ETV6: variants seen among roughly 807,000 people sequenced by gnomAD.
ETV6 encodes the protein ETS variant transcription factor 6.
Under a neutral mutation model 51.1 loss-of-function variants are expected in ETV6, and 16 were observed. That is an observed-to-expected ratio of 0.31 (90% CI 0.21 to 0.48). ETV6 has a LOEUF of 0.48. Ranked by LOEUF, ETV6 falls within the 20% of genes least tolerant of loss-of-function variation. ETV6 has a pLI of 0.99. For synonymous variants in ETV6, 240 were observed against 224.1 expected, an observed-to-expected ratio of 1.07 and a Z score of -0.64; for missense variants, 458 against 594.8, an observed-to-expected ratio of 0.77 and a Z score of 2.39.
chr12:11,811,161 G>C (rs1945906766), intron 2 of ETV6, among the ~76,000 whole-genome samples: 1 of 152,234 alleles, frequency 6.6e-6, no homozygotes, highest in South Asian at 2.1e-4. Flanking sequence ...TATAACAGGA[G>C]CTCAGCCTCA....
rs145572199 is a variant in ETV6 at position 11,650,349 on chromosome 12, C to CG, written c.33+189_33+190insG. On this transcript the variant is annotated intron_variant, in intron 1 of 7. Coordinates refer to ENST00000396373, the MANE Select transcript of ETV6 (RefSeq NM_001987.5). ...CTTTAGCGTAACCTTGCTACTCCCCCCCACCGCCGAGCCCCTGCCGGCTCC... is the reference window on the plus strand; with the variant it reads ...CTTTAGCGTAACCTTGCTACTCCCCCGCCACCGCCGAGCCCCTGCCGGCTCC... Among the ~76,000 whole-genome samples, 6,638 of 149,316 alleles carry CG rather than the reference C, an allele frequency of 0.044. 630 individuals carry two copies. Among genetic ancestry groups the CG allele is most frequent in the African/African-American group, 0.16 (6,318 of 40,414 alleles).
chr12:11,839,103 TTCTC>T, intron 2 of ETV6, 33 bp from the exon 3 acceptor site: 1 of 1,595,508 alleles, frequency 6.3e-7, no homozygotes, highest in Non-Finnish European at 8.6e-7. Context: ...GACAAGACCT[TTCTC>T]TCTTTCTTTC....
chr12:11,740,263 G>T (rs1865785766), intron 1 of ETV6, among the ~76,000 whole-genome samples: 2 of 152,212 alleles, frequency 1.3e-5, no homozygotes, highest in African/African-American at 4.8e-5. Context: ...CTGCATGAAA[G>T]GAAATATTAG....
At chr12:11,668,849 T>C (rs547335435) in intron 1 of ETV6, among the ~76,000 whole-genome samples, 3 of 152,250 alleles carry the variant, frequency 2.0e-5, no homozygotes, top group East Asian at 3.9e-4. Flanking sequence ...GAGCAGGATG[T>C]TGGACGTTGT....
intron 2 of ETV6, among the ~76,000 whole-genome samples, chr12:11,765,863 T>C (rs1023111979): frequency 1.3e-5 from 2 of 152,226 alleles, no homozygotes; most frequent in Non-Finnish European, 2.9e-5. Flanking sequence ...AGTTTGTGTA[T>C]GAGACTGAGG....
At chr12:11,804,502 G>GC (rs961888622) in intron 2 of ETV6, among the ~76,000 whole-genome samples, 5 of 91,588 alleles carry the variant, frequency 5.5e-5, no homozygotes, top group Admixed American at 1.0e-4. Flanking sequence ...ACAAGTTTAT[G>GC]TTCTACCTCA....
chr12:11,863,511 T>A (rs908915923), intron 4 of ETV6, among the ~76,000 whole-genome samples: 1 of 152,176 alleles, frequency 6.6e-6, no homozygotes, highest in African/African-American at 2.4e-5. Flanking sequence ...TGTCTGGCTT[T>A]CCCTCCCTCT....
At chr12:11,784,862 A>ATTTTTTTTTTTTTTTTTTTTTTT (rs34004409) in intron 2 of ETV6, among the ~76,000 whole-genome samples, 2 of 85,756 alleles carry the variant, frequency 2.3e-5, no homozygotes, top group African/African-American at 9.5e-5. Context: ...TGCCTTGCTA[A>ATTTTTTTTTTTTTTTTTTTTTTT]TTTTTTTTTT....
intron 2 of ETV6, among the ~76,000 whole-genome samples, chr12:11,813,300 G>A (rs1945942196): frequency 6.6e-6 from 1 of 152,150 alleles, no homozygotes; most frequent in Non-Finnish European, 1.5e-5. Context: ...ACCCGCCAGG[G>A]GCACACCCTC....
At chr12:11,720,974 T>C (rs1565498441) in intron 1 of ETV6, among the ~76,000 whole-genome samples, 1 of 152,268 alleles carries the variant, frequency 6.6e-6, no homozygotes, top group Admixed American at 6.5e-5. Context: ...AAAATGCTTA[T>C]TATCACTAAT....
Position 11,891,463 on chromosome 12 carries a change from A to ATG in ETV6, c.*418_*419insGT, listed in dbSNP as rs1298419728. The ATG allele has an allele frequency of 2.0e-6, 1 of 488,304 alleles. No individual in the cohort carries two copies. Among genetic ancestry groups the ATG allele is most frequent in the Non-Finnish European group, 3.8e-6 (1 of 260,724 alleles). 30.2% of individuals were successfully genotyped at this position (488,304 alleles called of 1,614,324 possible). ...TCCTATGGAAATATATATCTATTAT[A>ATG]TATATATTTTTTGCAAATCTCACAA... On this transcript the variant is annotated 3_prime_UTR_variant, in exon 8 of 8. Coordinates refer to ENST00000396373, the MANE Select transcript of ETV6 (RefSeq NM_001987.5).
intron 1 of ETV6, among the ~76,000 whole-genome samples, chr12:11,727,060 C>A (rs1348878810): frequency 1.3e-5 from 2 of 152,228 alleles, no homozygotes; most frequent in African/African-American, 2.4e-5. Context: ...AAAGGGCACG[C>A]ACAGTGGCTT....
chr12:11,783,579 G>T (rs916922667), intron 2 of ETV6, among the ~76,000 whole-genome samples: 5 of 152,182 alleles, frequency 3.3e-5, no homozygotes, highest in Admixed American at 3.3e-4. Flanking sequence ...ATTTAGCCAT[G>T]TAGAATTGTT....
At chr12:11,758,966 G>A (rs1365510730) in intron 2 of ETV6, among the ~76,000 whole-genome samples, 1 of 152,074 alleles carries the variant, frequency 6.6e-6, no homozygotes, top group African/African-American at 2.4e-5. Context: ...GCTGTACGAG[G>A]GCCCTGGTTA....
At chr12:11,854,512 A>G (rs1946603140) in intron 4 of ETV6, among the ~76,000 whole-genome samples, 1 of 152,228 alleles carries the variant, frequency 6.6e-6, no homozygotes, top group Non-Finnish European at 1.5e-5. Context: ...AATAGAGAGC[A>G]ATTAGATGAC....
At chr12:11,718,996 T>C (rs775324473) in intron 1 of ETV6, among the ~76,000 whole-genome samples, 1 of 152,196 alleles carries the variant, frequency 6.6e-6, no homozygotes, top group Non-Finnish European at 1.5e-5. Context: ...GTGCAGAATG[T>C]ATGTGTTTAG....
rs565372024 is a variant in ETV6, at chr12:11,876,833, A to G, written c.1009+6864A>G. On this transcript the variant is annotated intron_variant, in intron 5 of 7. Coordinates refer to ENST00000396373, the MANE Select transcript of ETV6 (RefSeq NM_001987.5). ...TGGTCAGTTGGGTCATTAATCCTAC[A>G]GCAGGCAAGACACAGAATTTCCTCT... Among the ~76,000 whole-genome samples the G allele has an allele frequency of 2.0e-5, 3 of 152,348 alleles. No homozygotes were observed. The South Asian group carries it at 6.2e-4, about 32-fold the overall frequency.
chr12:11,806,804 C>A (rs1445318102), intron 2 of ETV6, among the ~76,000 whole-genome samples: 1 of 152,152 alleles, frequency 6.6e-6, no homozygotes, highest in Non-Finnish European at 1.5e-5. Flanking sequence ...TTGGCACTTA[C>A]GTACATGGTA....
chr12:11,691,409 G>T (rs922874317), intron 1 of ETV6, among the ~76,000 whole-genome samples: 3 of 152,036 alleles, frequency 2.0e-5, no homozygotes, highest in Non-Finnish European at 2.9e-5. Flanking sequence ...CTCTACCCAA[G>T]GTAACTATTA....
Sources: gnomAD v4.1 joint callset for allele counts (sites outside exome capture counted in the v4.1 genomes callset) on GRCh38, gnomAD v4.1.1 for gene constraint, MANE v1.5 for transcripts, NCBI Gene and HGNC (gene_info 2026-07-23, HGNC 2026-07-21) for gene names.